The following MYBPC2 variants were observed in gnomAD, a reference collection of about 807,000 sequenced individuals.
MYBPC2 encodes the protein myosin-binding protein C, fast-type.
A neutral mutation model predicts 137.0 loss-of-function variants in MYBPC2; 122 were observed. The ratio of observed to expected loss-of-function variants is 0.89; its 90% CI spans 0.77 to 1.03. The LOEUF (loss-of-function observed/expected upper bound fraction) is 1.03. Ranked by LOEUF, MYBPC2 falls within the 50% of genes least tolerant of loss-of-function variation. MYBPC2 has a pLI of 0.00. For missense variants in MYBPC2, 1,500 were observed against 1,534.4 expected (o/e 0.98, Z 0.37); for synonymous variants, 626 against 612.3 (o/e 1.02, Z -0.33).
chr19:50,433,447 G>C (rs895320801), intron 1 of MYBPC2, among the ~76,000 whole-genome samples: 5 of 150,084 alleles, frequency 3.3e-5, no homozygotes, highest in African/African-American at 1.2e-4. Flanking sequence ...CTCTGCCCCC[G>C]GGGCTGGACT....
chr19:50,434,618 G>A (rs2039685198), intron 1 of MYBPC2, among the ~76,000 whole-genome samples: 1 of 152,222 alleles, frequency 6.6e-6, no homozygotes, highest in Non-Finnish European at 1.5e-5. Context: ...TTTCTGTGGA[G>A]ATGAGGCTTT....
chr19:50,451,039 T>A, intron 14 of MYBPC2, 104 bp downstream of exon 14: 8 of 1,132,334 alleles, frequency 7.1e-6, no homozygotes, highest in Non-Finnish European at 1.0e-5. Context: ...CGAGTGCGAA[T>A]GAGGACGACA....
At chr19:50,450,959 C>G (rs371123374) in intron 14 of MYBPC2, 24 bp downstream of exon 14, 23 of 1,547,072 alleles carry the variant, frequency 1.5e-5, no homozygotes, top group African/African-American at 9.6e-5. Flanking sequence ...TTCCTCCTTC[C>G]CTGGGGGCTG....
Position 50,460,089 on chromosome 19 carries a change from G to C in MYBPC2, c.2841G>C (p.Thr947=). 1.3e-6 allele frequency: 2 copies of C among 1,572,596 alleles called. No homozygotes were observed. The highest frequency in any genetic ancestry group is 1.7e-6 in the Non-Finnish European group (2 of 1,159,234). Residue 947 remains threonine, a synonymous_variant, in exon 24 of 28, where the codon ACG becomes ACC. Coordinates refer to ENST00000357701, the MANE Select transcript of MYBPC2 (RefSeq NM_004533.4). ...INVMVKEVWG[T]NALVEWQAPK... ...TGATGGTGAAGGAGGTGTGGGGCAC[G>C]AACGCGCTGGTGGAGTGGCAGGCCC...
Position 50,435,264 on chromosome 19 carries a change from C to A in MYBPC2, c.109+14C>A. 3 of 1,085,306 alleles carry A rather than the reference C, an allele frequency of 2.8e-6. No individual in the cohort carries two copies. Among genetic ancestry groups the A allele is most frequent in the Non-Finnish European group, 4.2e-6 (3 of 715,350 alleles). 67.2% of individuals were successfully genotyped at this position (1,085,306 alleles called of 1,614,324 possible). A position where few individuals can be genotyped will look rare whatever the true frequency, so the allele number is the denominator to read the frequency against. Reference sequence around the variant, plus strand: ...AGGCCCCCAAAGGTGAGGAGGTGCTCCCTCGGGCTCAACCGACCTGGCTTC... The same window carrying A: ...AGGCCCCCAAAGGTGAGGAGGTGCTACCTCGGGCTCAACCGACCTGGCTTC... On this transcript the variant is annotated intron_variant, in intron 2 of 27. Coordinates refer to ENST00000357701, the MANE Select transcript of MYBPC2 (RefSeq NM_004533.4). This position sits in a 1 kb window ranked among gnomAD's most constrained non-coding sequence, Gnocchi z 4.8.
Position 50,459,103 on chromosome 19 carries a change from C to T in MYBPC2, c.2596-8C>T. On this transcript the variant is annotated splice_polypyrimidine_tract_variant and splice_region_variant and intron_variant, in intron 22 of 27. Coordinates refer to ENST00000357701, the MANE Select transcript of MYBPC2 (RefSeq NM_004533.4). ...CTGACCCCACCCCGCCCCGCCCTCT[C>T]CCCGCAGGGAAAGCCCCGGCCCCAG... The T allele has an allele frequency of 1.3e-6, 2 of 1,539,352 alleles. No individual in the cohort carries two copies. The highest frequency in any genetic ancestry group is 1.2e-5 in the South Asian group (1 of 84,366).
intron 7 of MYBPC2, 30 bp downstream of exon 7, chr19:50,437,748 AGAT>A (rs765908618): frequency 2.5e-6 from 4 of 1,586,028 alleles, no homozygotes; most frequent in Non-Finnish European, 3.4e-6. Flanking sequence ...CAGAGAGGGG[AGAT>A]GGGACTCAAG....
At position 50,437,724 on chromosome 19, in the gene MYBPC2, C is replaced by T; in HGVS notation, c.572+6C>T. 3 of 1,599,750 alleles carry T rather than the reference C, an allele frequency of 1.9e-6. No individual in the cohort carries two copies. Among genetic ancestry groups the T allele is most frequent in the East Asian group, 2.3e-5 (1 of 44,420 alleles). ...AGTGGCCTGTTGAAGAAGAGGTGAG[C>T]CCCGGACTTGGCACAGAGAGGGGAG... On this transcript the variant is annotated splice_donor_region_variant and intron_variant, in intron 7 of 27. Coordinates refer to ENST00000357701, the MANE Select transcript of MYBPC2 (RefSeq NM_004533.4).
chr19:50,453,627 G>A (rs2039880482), intron 16 of MYBPC2, among the ~76,000 whole-genome samples: 1 of 151,652 alleles, frequency 6.6e-6, no homozygotes, highest in Non-Finnish European at 1.5e-5. Flanking sequence ...CACAACCTCC[G>A]CCTCCTGGGT....
At chr19:50,443,360 C>A in intron 9 of MYBPC2, 134 bp from the exon 10 acceptor site, 1 of 1,004,960 alleles carries the variant, frequency 1.0e-6, no homozygotes, top group Non-Finnish European at 1.4e-6. Context: ...TGAAACTGGG[C>A]CCTCAATCCC....
chr19:50,451,957 T>A lies in MYBPC2; in HGVS notation c.1703T>A (p.Ile568Asn), dbSNP rs998531091. Reference sequence around the variant, plus strand: ...AACAAGCTGAGGCTTGACGTGTCCATCACAGGGGAGCCCCCTCCCGTCGCT... The same window carrying A: ...AACAAGCTGAGGCTTGACGTGTCCAACACAGGGGAGCCCCCTCCCGTCGCT... ...AGNKLRLDVSITGEPPPVATW... is the reference protein window; with the variant it reads ...AGNKLRLDVSNTGEPPPVATW... Residue 568 changes from isoleucine (I) to asparagine (N), a missense_variant, in exon 16 of 28, where the codon ATC becomes AAC. Physicochemically the swap from Ile to Asn is moderately radical, Grantham distance 149. Coordinates refer to ENST00000357701, the MANE Select transcript of MYBPC2 (RefSeq NM_004533.4). 1.9e-6 allele frequency: 3 copies of A among 1,558,944 alleles called. No homozygotes were observed. In the African/African-American group the frequency reaches 4.1e-5, roughly 21 times the overall value.
In MYBPC2 at chr19:50,446,025, C is replaced by T; in HGVS notation, c.1279C>T (p.Gln427Ter). ...CTATCAGGTCATAACCAATGGCGGC[C>T]AGTGTGAGGCCGAGCTGATTGTGGA... The part of the protein sequence containing the change: ...GRYQVITNGG[Q>*]CEAELIVEEK... Residue 427 changes from glutamine (Q) to a stop codon, truncating the protein, a stop_gained, in exon 12 of 28, where the codon CAG becomes TAG. Coordinates refer to ENST00000357701, the MANE Select transcript of MYBPC2 (RefSeq NM_004533.4). LOFTEE classifies it high-confidence loss of function. The T allele has an allele frequency of 6.8e-6, 11 of 1,613,264 alleles. No homozygotes were observed. The highest frequency in any genetic ancestry group is 9.3e-6 in the Non-Finnish European group (11 of 1,179,648).
intron 20 of MYBPC2, among the ~76,000 whole-genome samples, chr19:50,457,460 C>G (rs1257518710): frequency 6.6e-6 from 1 of 152,204 alleles, no homozygotes; most frequent in African/African-American, 2.4e-5. Context: ...TGGCTGCGCC[C>G]TCAGACAGAG....
At chr19:50,443,416 T>G in intron 9 of MYBPC2, 78 bp from the exon 10 acceptor site, 66 of 1,536,054 alleles carry the variant, frequency 4.3e-5, no homozygotes, top group Non-Finnish European at 5.4e-5. Context: ...AGACTTGCCT[T>G]GAGAACAGGT....
chr19:50,452,078 C>G, intron 16 of MYBPC2, 75 bp downstream of exon 16: 1 of 1,441,970 alleles, frequency 6.9e-7, no homozygotes, highest in South Asian at 1.3e-5. Context: ...GCCTGAGTTT[C>G]ATCCTCTATA....
intron 24 of MYBPC2, among the ~76,000 whole-genome samples, chr19:50,461,014 T>G (rs2122618554): frequency 6.7e-6 from 1 of 149,246 alleles, no homozygotes; most frequent in East Asian, 2.0e-4. Context: ...AATTTTTTTT[T>G]TTTTTTTGAG....
At position 50,442,270 on chromosome 19, in the gene MYBPC2, C is replaced by T. The variant is rs762632665; in HGVS notation, c.859C>T (p.Leu287Phe). ...MVEISDPDLT[L>F]KWFKNGQEIK... ...AGAGATCAGCGACCCAGACCTGACCCTCAAGTGGTTCAAGAACGGCCAGGA... is the reference window on the plus strand; with the variant it reads ...AGAGATCAGCGACCCAGACCTGACCTTCAAGTGGTTCAAGAACGGCCAGGA... The change falls in exon 9 of 28, where the codon CTC becomes TTC. Residue 287 changes from leucine to phenylalanine, a missense_variant. Leu to Phe is a conservative substitution (Grantham distance 22). Transcript: ENST00000357701. The T allele has an allele frequency of 3.7e-6, 6 of 1,607,616 alleles. No individual in the cohort carries two copies. The African/African-American group carries it at 6.7e-5, about 18-fold the overall frequency.
intron 21 of MYBPC2, 62 bp from the exon 22 acceptor site, chr19:50,458,856 A>G: frequency 1.3e-6 from 2 of 1,594,702 alleles, no homozygotes; most frequent in Non-Finnish European, 1.7e-6. Context: ...CCTTATCACC[A>G]TTGGCCCCTG....
rs1394876352 is a variant in MYBPC2 at position 50,459,276 on chromosome 19, G to C, written c.2761G>C (p.Asp921His). ...ELSVQIENMK[D>H]TATIRIRVVE... ...GAGCGTGCAGATCGAGAACATGAAG[G>C]ACACCGCCACCATCCGCATCCGCGT... Residue 921 changes from aspartate (D) to histidine (H), a missense_variant, in exon 23 of 28, where the codon GAC becomes CAC. Physicochemically the swap from Asp to His is moderately conservative, Grantham distance 81. Transcript: ENST00000357701. The C allele has an allele frequency of 6.8e-6, 11 of 1,609,126 alleles. No homozygotes were observed. Among genetic ancestry groups the C allele is most frequent in the African/African-American group, 2.7e-5 (2 of 74,398 alleles).
Sources: gnomAD v4.1 joint callset for allele counts (sites outside exome capture counted in the v4.1 genomes callset) on GRCh38, gnomAD v4.1.1 for gene constraint, Gnocchi (gnomAD v3.1) non-coding constraint, MANE v1.5 for transcripts, NCBI Gene and HGNC (gene_info 2026-07-23, HGNC 2026-07-21) for gene names.